The following TENM4 variants were observed in gnomAD, a reference collection of about 807,000 sequenced individuals.
TENM4 encodes the protein teneurin-4.
TENM4 carries 82 observed loss-of-function variants against 243.3 expected under a neutral mutation model. That is an observed-to-expected ratio of 0.34 (90% CI 0.28 to 0.40). TENM4 has a LOEUF of 0.40. Ranked by LOEUF, TENM4 falls within the 10% of genes least tolerant of loss-of-function variation. The probability of loss-of-function intolerance (pLI) is 1.00; values close to 1 mark genes in which losing one functional copy is unlikely to be tolerated. For missense variants in TENM4, 3,138 were observed against 3,673.3 expected (o/e 0.85, Z 3.77); for synonymous variants, 1,412 against 1,456.3 (o/e 0.97, Z 0.69).
chr11:79,130,402 T>C (rs555048979), intron 4 of TENM4, among the ~76,000 whole-genome samples: 5 of 150,814 alleles, frequency 3.3e-5, no homozygotes, highest in African/African-American at 9.8e-5. Flanking sequence ...CTGATGTACC[T>C]GAAAAAGAAG....
At chr11:78,721,816 C>T (rs953549508) in intron 24 of TENM4, among the ~76,000 whole-genome samples, 16 of 152,092 alleles carry the variant, frequency 1.1e-4, no homozygotes, top group Non-Finnish European at 1.6e-4. Context: ...GGGAGCTTGG[C>T]GCAATTCCTC....
In TENM4 at chr11:78,715,051, A is replaced by G. The variant is rs190760298; in HGVS notation, c.3822-2337T>C. Among the ~76,000 whole-genome samples, 8 of 152,324 alleles carry G rather than the reference A, an allele frequency of 5.3e-5. No individual in the cohort carries two copies. In the East Asian group the frequency reaches 1.5e-3, roughly 29 times the overall value. ...CATGGCAGCCACTTGTTTTAAGTAG[A>G]TGGCATGTCTATTTTTAGATTACTT... On this transcript the variant is annotated intron_variant, in intron 25 of 33. Coordinates refer to ENST00000278550, the MANE Select transcript of TENM4 (RefSeq NM_001098816.3).
chr11:79,361,090 G>A (rs1222617981), intron 1 of TENM4, among the ~76,000 whole-genome samples: 3 of 152,164 alleles, frequency 2.0e-5, no homozygotes, highest in African/African-American at 7.2e-5. Flanking sequence ...AGGTCCAGAT[G>A]ATATTTAAGA....
intron 6 of TENM4, among the ~76,000 whole-genome samples, chr11:78,979,471 G>A (rs578176482): frequency 6.6e-6 from 1 of 152,336 alleles, no homozygotes; most frequent in East Asian, 1.9e-4. Flanking sequence ...TTAAACAGAA[G>A]CCTAAAGGTG....
At chr11:79,351,872 C>T (rs1857420298) in intron 1 of TENM4, among the ~76,000 whole-genome samples, 1 of 152,128 alleles carries the variant, frequency 6.6e-6, no homozygotes, top group African/African-American at 2.4e-5. Context: ...TGCAACAGTT[C>T]AACAAGCCTA....
chr11:78,942,433 A>G (rs1380560933), intron 6 of TENM4, among the ~76,000 whole-genome samples: 1 of 147,792 alleles, frequency 6.8e-6, no homozygotes, highest in East Asian at 2.0e-4. Flanking sequence ...TGATAGCACA[A>G]GACCCTGTCT....
chr11:78,802,062 A>G (rs1238377547), intron 15 of TENM4, among the ~76,000 whole-genome samples: 1 of 152,192 alleles, frequency 6.6e-6, no homozygotes, highest in Non-Finnish European at 1.5e-5. Context: ...TCCCCCAAAA[A>G]GCCCAGTGCC....
At chr11:79,357,080 T>C (rs1008547708) in intron 1 of TENM4, among the ~76,000 whole-genome samples, 1 of 152,270 alleles carries the variant, frequency 6.6e-6, no homozygotes, top group South Asian at 2.1e-4. Context: ...AACAAAAGGC[T>C]AGGAGACAGA....
At chr11:79,388,212 G>C (rs1858157008) in intron 1 of TENM4, among the ~76,000 whole-genome samples, 1 of 152,148 alleles carries the variant, frequency 6.6e-6, no homozygotes, top group Non-Finnish European at 1.5e-5. Context: ...AGCAAGGCTG[G>C]TTCAGAAACA....
intron 10 of TENM4, among the ~76,000 whole-genome samples, chr11:78,858,414 C>T (rs1462115851): frequency 6.6e-6 from 1 of 152,088 alleles, no homozygotes; most frequent in Non-Finnish European, 1.5e-5. Context: ...TCTATCAGGA[C>T]CTTGAGGGCC....
At chr11:79,261,735 C>T (rs1385245851) in intron 2 of TENM4, among the ~76,000 whole-genome samples, 1 of 152,056 alleles carries the variant, frequency 6.6e-6, no homozygotes, top group African/African-American at 2.4e-5. Context: ...GGAGATGAAA[C>T]CATTTAAAAA....
In TENM4 at chr11:78,786,893, C is replaced by T. The variant is rs773530134; in HGVS notation, c.2365+5G>A. On this transcript the variant is annotated splice_donor_5th_base_variant and intron_variant, in intron 16 of 33. Transcript: ENST00000278550. ...AAGGTACCCGGGGACCTCGGCCCGCCATACCGATGGTGCAGTGTTCGCCAT... is the reference window on the plus strand; with the variant it reads ...AAGGTACCCGGGGACCTCGGCCCGCTATACCGATGGTGCAGTGTTCGCCAT... 2.5e-6 allele frequency: 4 copies of T among 1,606,298 alleles called. No individual in the cohort carries two copies. The South Asian group carries it at 4.5e-5, about 18-fold the overall frequency.
At chr11:78,697,152 A>G (rs778422649) in intron 28 of TENM4, among the ~76,000 whole-genome samples, 7 of 152,326 alleles carry the variant, frequency 4.6e-5, no homozygotes, top group Non-Finnish European at 8.8e-5. Flanking sequence ...AAAGTCCCTA[A>G]GAAGACATGG....
chr11:78,791,158 A>T (rs766602993), intron 15 of TENM4, among the ~76,000 whole-genome samples: 12 of 152,198 alleles, frequency 7.9e-5, no homozygotes, highest in Non-Finnish European at 1.8e-4. Context: ...CTGAGTGAAG[A>T]GACCCACAGA....
chr11:78,817,610 T>C (rs1857635353), intron 12 of TENM4, among the ~76,000 whole-genome samples: 1 of 152,242 alleles, frequency 6.6e-6, no homozygotes, highest in Admixed American at 6.5e-5. Context: ...TTAGGAAGTT[T>C]CACTTTGAAT....
chr11:79,381,910 C>A (rs938563884), intron 1 of TENM4, among the ~76,000 whole-genome samples: 1 of 152,088 alleles, frequency 6.6e-6, no homozygotes, highest in Non-Finnish European at 1.5e-5. Flanking sequence ...CTTCCTTGAA[C>A]AGGCCTTGAC....
intron 1 of TENM4, among the ~76,000 whole-genome samples, chr11:79,390,639 C>A (rs1019492840): frequency 2.8e-4 from 43 of 152,258 alleles, no homozygotes; most frequent in African/African-American, 1.0e-3. Flanking sequence ...AACATGCTGG[C>A]ATATAACCTA....
chr11:79,150,676 C>T (rs1862490157), intron 3 of TENM4, among the ~76,000 whole-genome samples: 1 of 152,118 alleles, frequency 6.6e-6, no homozygotes, highest in Admixed American at 6.5e-5. Flanking sequence ...TAGCAGGGAC[C>T]CCTTCCCTCT....
chr11:79,233,512 T>G (rs998034378), intron 2 of TENM4, among the ~76,000 whole-genome samples: 1 of 152,016 alleles, frequency 6.6e-6, no homozygotes, highest in South Asian at 2.1e-4. Context: ...ACCTGGTAAG[T>G]GATGGCACAG....
Sources: gnomAD v4.1 joint callset for allele counts (sites outside exome capture counted in the v4.1 genomes callset) on GRCh38, gnomAD v4.1.1 for gene constraint, MANE v1.5 for transcripts, NCBI Gene and HGNC (gene_info 2026-07-23, HGNC 2026-07-21) for gene names.